Variants in ARL6IP6 observed in about 807,000 individuals in gnomAD.
The protein encoded by ARL6IP6 is ADP-ribosylation factor-like protein 6-interacting protein 6.
ARL6IP6 carries 22 observed loss-of-function variants against 21.5 expected under a neutral mutation model. The observed-to-expected ratio is 1.02, with a 90% confidence interval of 0.73 to 1.46. ARL6IP6 has a LOEUF of 1.46. ARL6IP6 is among the 40% of genes most tolerant of loss of function. The pLI, the probability that ARL6IP6 is intolerant of heterozygous loss-of-function variation, is 0.00. For synonymous variants in ARL6IP6, 164 were observed against 125.3 expected, an observed-to-expected ratio of 1.31 and a Z score of -2.06; for missense variants, 388 against 299.8, an observed-to-expected ratio of 1.29 and a Z score of -2.17.
chr2:152,735,195 A>T, intron 3 of ARL6IP6, 69 bp downstream of exon 3: 1 of 1,550,550 alleles, frequency 6.4e-7, no homozygotes. Context: ...AAATACTCAG[A>T]AGCAAGAGGC....
At position 152,729,872 on chromosome 2, in the gene ARL6IP6, ATTC is replaced by A. The variant is rs1284736369; in HGVS notation, c.455-5119_455-5117del. 1.2e-4 allele frequency among the ~76,000 whole-genome samples: 16 copies of A among 132,572 alleles called. 2 individuals are homozygous for A. The Middle Eastern group carries it at 0.012, about 97-fold the overall frequency. 87.0% of individuals were successfully genotyped at this position (132,572 alleles called of 152,430 possible). The stretch of plus-strand genomic sequence containing the variant: ...TCATTTAATATGCTTTCATTTTTAT[ATTC>A]TTTTTAAAGTTGTTAATTCTTTCTA... On this transcript the variant is annotated intron_variant, in intron 2 of 3. Coordinates refer to ENST00000326446, the MANE Select transcript of ARL6IP6 (RefSeq NM_152522.7).
chr2:152,758,900 T>C (rs1470320198), intron 3 of ARL6IP6, among the ~76,000 whole-genome samples: 2 of 152,182 alleles, frequency 1.3e-5, no homozygotes, highest in Non-Finnish European at 1.5e-5. Context: ...TTTTGTCTTT[T>C]GGCTTTTACT....
chr2:152,722,832 G>A (rs1002987891), intron 2 of ARL6IP6, among the ~76,000 whole-genome samples: 2 of 152,092 alleles, frequency 1.3e-5, no homozygotes, highest in African/African-American at 2.4e-5. Context: ...CACTTGAACC[G>A]GGGAGGTGGA....
chr2:152,737,174 C>T (rs993234784), intron 3 of ARL6IP6, among the ~76,000 whole-genome samples: 3 of 152,108 alleles, frequency 2.0e-5, no homozygotes, highest in South Asian at 4.1e-4. Flanking sequence ...AGTCACATAC[C>T]AGATTAGCTT....
rs1000657581 is a variant in ARL6IP6 at position 152,760,640 on chromosome 2, T to C, written c.*800T>C. The C allele has an allele frequency of 6.6e-6, 1 of 152,032 alleles. No individual in the cohort carries two copies. Among genetic ancestry groups the C allele is most frequent in the African/African-American group, 2.4e-5 (1 of 41,448 alleles). The allele number at this position is 152,032 out of a possible 1,614,324, so 9.4% of individuals were successfully genotyped here. On this transcript the variant is annotated 3_prime_UTR_variant, in exon 4 of 4. Coordinates refer to ENST00000326446, the MANE Select transcript of ARL6IP6 (RefSeq NM_152522.7). ...CTAAATTATTTAAGTCATTAAGATA[T>C]TGAGAAAAAATTTGAAATTTTTACT...
intron 3 of ARL6IP6, among the ~76,000 whole-genome samples, chr2:152,754,073 G>A (rs1320271153): frequency 1.3e-5 from 2 of 151,000 alleles, no homozygotes; most frequent in Non-Finnish European, 2.9e-5. Context: ...AATTTACATA[G>A]GATAAAACTT....
At chr2:152,718,105 C>A, upstream of ARL6IP6, 2 of 985,640 alleles carry the variant, frequency 2.0e-6, no homozygotes, top group Non-Finnish European at 2.4e-6. Flanking sequence ...AGTTAAGGAA[C>A]CGCGAGAGCG....
chr2:152,756,042 C>T (rs1368731081), intron 3 of ARL6IP6, among the ~76,000 whole-genome samples: 1 of 152,096 alleles, frequency 6.6e-6, no homozygotes, highest in Non-Finnish European at 1.5e-5. Context: ...TATGGGTTTT[C>T]ACTTAATAAT....
intron 1 of ARL6IP6, chr2:152,719,766 A>ACT (rs1699656913): frequency 3.1e-6 from 1 of 319,300 alleles, no homozygotes; most frequent in African/African-American, 2.3e-5. Flanking sequence ...AAAAAAAAAA[A>ACT]AAAAAAAACA....
intron 2 of ARL6IP6, among the ~76,000 whole-genome samples, chr2:152,723,517 G>A (rs1452873982): frequency 6.6e-6 from 1 of 152,124 alleles, no homozygotes; most frequent in African/African-American, 2.4e-5. Flanking sequence ...TTGTTTGAAA[G>A]TAGGTTGGTT....
chr2:152,718,451 C>T (rs749531246), upstream of ARL6IP6: 35 of 883,914 alleles, frequency 4.0e-5, no homozygotes, highest in Admixed American at 7.7e-5. Flanking sequence ...TTCCGCCTCT[C>T]CTTTGGCCCT....
chr2:152,754,059 A>G (rs527918624), intron 3 of ARL6IP6, among the ~76,000 whole-genome samples: 13 of 149,160 alleles, frequency 8.7e-5, no homozygotes, highest in Admixed American at 2.0e-4. Context: ...TTTTTTTTTC[A>G]TATAATTTAC....
At chr2:152,733,720 A>G (rs1700429047) in intron 2 of ARL6IP6, among the ~76,000 whole-genome samples, 1 of 152,208 alleles carries the variant, frequency 6.6e-6, no homozygotes, top group South Asian at 2.1e-4. Context: ...TACATTTTCC[A>G]TCTGAATTCT....
intron 3 of ARL6IP6, among the ~76,000 whole-genome samples, chr2:152,739,383 C>T (rs13418194): frequency 2.6e-5 from 4 of 152,180 alleles, no homozygotes; most frequent in African/African-American, 4.8e-5. Context: ...CTCTCAAGTT[C>T]GAAGTTCCAC....
At position 152,762,301 on chromosome 2, in the gene ARL6IP6, C is replaced by T. The variant is rs1701877882; in HGVS notation, c.*2461C>T. Among the ~76,000 whole-genome samples, 1 of 152,218 alleles carries T rather than the reference C, an allele frequency of 6.6e-6. No homozygotes were observed. Among genetic ancestry groups the T allele is most frequent in the Non-Finnish European group, 1.5e-5 (1 of 68,040 alleles). The stretch of plus-strand genomic sequence containing the variant: ...AGAATAAGGCTGATAACGGATATTG[C>T]TAATGGCGTTACCCTGGTCCCTGAA... On this transcript the variant is annotated 3_prime_UTR_variant, in exon 4 of 4. Transcript: ENST00000326446.
At chr2:152,757,168 C>T (rs761752132) in intron 3 of ARL6IP6, among the ~76,000 whole-genome samples, 2 of 152,124 alleles carry the variant, frequency 1.3e-5, no homozygotes, top group Non-Finnish European at 2.9e-5. Flanking sequence ...GATGTAGTTT[C>T]AAGAGCAAGT....
In ARL6IP6 at chr2:152,760,331, T is replaced by C. The variant is rs1222583789; in HGVS notation, c.*491T>C. 1 of 152,610 alleles carries C rather than the reference T, an allele frequency of 6.6e-6. No individual in the cohort carries two copies. Among genetic ancestry groups the C allele is most frequent in the African/African-American group, 2.4e-5 (1 of 41,464 alleles). The allele number at this position is 152,610 out of a possible 1,614,324, so 9.5% of individuals were successfully genotyped here. A position where few individuals can be genotyped will look rare whatever the true frequency, so the allele number is the denominator to read the frequency against. ...TATAGAAGCTACTTTTAAATCAGAATATTTAATTTTTGATATTCATATAAT... is the reference window on the plus strand; with the variant it reads ...TATAGAAGCTACTTTTAAATCAGAACATTTAATTTTTGATATTCATATAAT... On this transcript the variant is annotated 3_prime_UTR_variant, in exon 4 of 4. Transcript: ENST00000326446.
At position 152,739,695 on chromosome 2, in the gene ARL6IP6, C is replaced by T. The variant is rs76261621; in HGVS notation, c.587+4569C>T. On this transcript the variant is annotated intron_variant, in intron 3 of 3. Transcript: ENST00000326446. ...TTCAGGTATGTTTACAGCAGCAACC[C>T]GCTCTACCGGTACCAATTTACTGTA... 3.2e-3 allele frequency among the ~76,000 whole-genome samples: 494 copies of T among 152,248 alleles called. 2 individuals are homozygous for T. The highest frequency in any genetic ancestry group is 0.011 in the African/African-American group (472 of 41,518).
chr2:152,722,513 T>C (rs1699835867), intron 2 of ARL6IP6, among the ~76,000 whole-genome samples: 1 of 152,206 alleles, frequency 6.6e-6, no homozygotes, highest in South Asian at 2.1e-4. Flanking sequence ...GTATGTATTA[T>C]AACATATGGA....
Sources: gnomAD v4.1 joint callset for allele counts (sites outside exome capture counted in the v4.1 genomes callset) on GRCh38, gnomAD v4.1.1 for gene constraint, MANE v1.5 for transcripts, NCBI Gene and HGNC (gene_info 2026-07-23, HGNC 2026-07-21) for gene names.